LRGUK: variants seen among roughly 807,000 people sequenced by gnomAD.
LRGUK encodes the protein leucine-rich repeat and guanylate kinase domain-containing protein.
Under a neutral mutation model 76.0 loss-of-function variants are expected in LRGUK, and 65 were observed. The ratio of observed to expected loss-of-function variants is 0.85; its 90% CI spans 0.70 to 1.05. LRGUK has a LOEUF of 1.05. Ranked by LOEUF, LRGUK falls within the 50% of genes least tolerant of loss-of-function variation. The pLI, the probability that LRGUK is intolerant of heterozygous loss-of-function variation, is 0.00. For synonymous variants in LRGUK, 268 were observed against 265.6 expected, an observed-to-expected ratio of 1.01 and a Z score of -0.09; for missense variants, 758 against 732.8, an observed-to-expected ratio of 1.03 and a Z score of -0.40.
intron 5 of LRGUK, 86 bp from the exon 6 acceptor site, chr7:134,157,949 T>C: frequency 8.4e-7 from 1 of 1,187,116 alleles, no homozygotes; most frequent in East Asian, 2.4e-5. Context: ...GTGGTCTGCT[T>C]TGTCTAGTGA....
downstream of LRGUK, among the ~76,000 whole-genome samples, chr7:134,212,066 C>T (rs373613158): frequency 6.6e-6 from 1 of 152,182 alleles, no homozygotes; most frequent in Admixed American, 6.5e-5. Context: ...TTACCAGCAG[C>T]TCTCAAGCCC....
In LRGUK at chr7:134,127,682, C is replaced by G. The variant is rs560729218; in HGVS notation, c.297+18C>G. 5.0e-6 allele frequency: 8 copies of G among 1,601,490 alleles called. No individual in the cohort carries two copies. The highest frequency in any genetic ancestry group is 1.3e-5 in the African/African-American group (1 of 74,472). On this transcript the variant is annotated intron_variant, in intron 1 of 15. Coordinates refer to ENST00000645682, the Ensembl canonical transcript of LRGUK. ...ATTTGGAGGTGTGTCTTCCCCCCCA[C>G]CCCGTACTCCCTGGCTCCCTCGTCC...
At chr7:134,136,221 C>T (rs998492840) in intron 1 of LRGUK, among the ~76,000 whole-genome samples, 51 of 152,262 alleles carry the variant, frequency 3.3e-4, no homozygotes, top group African/African-American at 1.1e-3. Context: ...CACCTGTTAT[C>T]TCTTTTGTCT....
At chr7:134,220,448 C>T (rs1277621497) in intron 15 of LRGUK, among the ~76,000 whole-genome samples, 1 of 152,164 alleles carries the variant, frequency 6.6e-6, no homozygotes, top group African/African-American at 2.4e-5. Context: ...GTCTGATTTC[C>T]TACAGGTGTT....
chr7:134,174,543 TTTGA>T lies in LRGUK; in HGVS notation c.940-8_940-5del, dbSNP rs769233358. 1.0e-5 allele frequency: 16 copies of T among 1,556,248 alleles called. No homozygotes were observed. In the African/African-American group the frequency reaches 1.8e-4, roughly 17 times the overall value. ...ATTTAGTCTGTTGATAATTTTTTTC[TTTGA>T]TTGAACAGATTGCTGAGCTGAGAGA... On this transcript the variant is annotated splice_polypyrimidine_tract_variant and intron_variant, in intron 7 of 15. Transcript: ENST00000645682.
At chr7:134,143,069 T>C in exon 4 of LRGUK, 1 of 1,568,802 alleles carries the variant, frequency 6.4e-7, no homozygotes, top group Non-Finnish European at 8.8e-7. Context: ...TAGATTTATC[T>C]TGTGTGAGTT....
intron 15 of LRGUK, among the ~76,000 whole-genome samples, chr7:134,208,386 C>T (rs781183077): frequency 6.6e-6 from 1 of 152,308 alleles, no homozygotes; most frequent in East Asian, 1.9e-4. Context: ...AAGTCTCATT[C>T]ACTTGGAAAA....
At chr7:134,269,771 G>C in the LRGUK span, among the ~76,000 whole-genome samples, 1 of 152,054 alleles carries the variant, frequency 6.6e-6, no homozygotes, top group Non-Finnish European at 1.5e-5. Flanking sequence ...TGACCAAGTG[G>C]GATTTAATCC....
chr7:134,257,280 C>T (rs1802608219), intron 18 of LRGUK, among the ~76,000 whole-genome samples: 1 of 152,186 alleles, frequency 6.6e-6, no homozygotes, highest in Non-Finnish European at 1.5e-5. Flanking sequence ...ATTTCAGATT[C>T]TCCAATGACA....
intron 13 of LRGUK, 147 bp downstream of exon 13, chr7:134,197,252 A>G (rs1800533042): frequency 1.9e-6 from 1 of 516,332 alleles, no homozygotes; most frequent in Non-Finnish European, 3.4e-6. Flanking sequence ...GTTAATGTAT[A>G]TACATATTTG....
intron 3 of LRGUK, 80 bp from the exon 4 acceptor site, chr7:134,142,981 GA>G: frequency 2.8e-6 from 2 of 710,142 alleles, no homozygotes; most frequent in Non-Finnish European, 5.0e-6. Context: ...AAAATATTCT[GA>G]TGTCATGTAC....
intron 16 of LRGUK, among the ~76,000 whole-genome samples, chr7:134,228,660 A>C (rs1314334503): frequency 1.3e-5 from 2 of 152,174 alleles, no homozygotes; most frequent in African/African-American, 4.8e-5. Context: ...AAAATATAGA[A>C]ATTAAAAATG....
intron 19 of LRGUK, among the ~76,000 whole-genome samples, chr7:134,260,885 T>C (rs1191886898): frequency 6.6e-6 from 1 of 152,164 alleles, no homozygotes; most frequent in African/African-American, 2.4e-5. Context: ...AAATTAGATC[T>C]GCCCTACTCT....
At chr7:134,164,785 T>G (rs758598094) in intron 7 of LRGUK, among the ~76,000 whole-genome samples, 1 of 152,138 alleles carries the variant, frequency 6.6e-6, no homozygotes. Flanking sequence ...TCTGTTAGGT[T>G]GCTAAGAATC....
chr7:134,158,103 A>G, exon 6 of LRGUK: 1 of 1,613,410 alleles, frequency 6.2e-7, no homozygotes, highest in South Asian at 1.1e-5. Flanking sequence ...TTTGGCCAAC[A>G]ATAAGATCAC....
chr7:134,267,498 G>C (rs1802876404), downstream of LRGUK, among the ~76,000 whole-genome samples: 1 of 152,134 alleles, frequency 6.6e-6, no homozygotes, highest in Non-Finnish European at 1.5e-5. Flanking sequence ...ACGTGTTGTG[G>C]GAGGGACCTG....
At chr7:134,275,888 G>A in the LRGUK span, among the ~76,000 whole-genome samples, 3 of 152,140 alleles carry the variant, frequency 2.0e-5, no homozygotes, top group Non-Finnish European at 4.4e-5. Context: ...AAAGGACAAG[G>A]ATATTGGGGC....
At chr7:134,178,653 C>T in intron 10 of LRGUK, 44 bp downstream of exon 10, 1 of 1,478,120 alleles carries the variant, frequency 6.8e-7, no homozygotes, top group Non-Finnish European at 9.4e-7. Flanking sequence ...GGTGAGCAAG[C>T]AAAAGACAGC....
chr7:134,151,913 A>AAATATTTG (rs1399431356), intron 5 of LRGUK, among the ~76,000 whole-genome samples: 2 of 152,042 alleles, frequency 1.3e-5, no homozygotes, highest in African/African-American at 4.8e-5. Context: ...ATGTCTACAA[A>AAATATTTG]AATATTTGAA....
Sources: gnomAD v4.1 joint callset for allele counts (sites outside exome capture counted in the v4.1 genomes callset) on GRCh38, gnomAD v4.1.1 for gene constraint, MANE v1.5 for transcripts, NCBI Gene and HGNC (gene_info 2026-07-23, HGNC 2026-07-21) for gene names.